The following GALC variants were observed in gnomAD, a reference collection of about 807,000 sequenced individuals.
GALC encodes galactosylceramidase.
A neutral mutation model predicts 91.8 loss-of-function variants in GALC; 77 were observed. The observed-to-expected ratio is 0.84, with a 90% CI of 0.70 to 1.01. The LOEUF (loss-of-function observed/expected upper bound fraction) is 1.01. Among genes scored for constraint, GALC ranks in the 50% least tolerant of loss-of-function variants. The pLI is 0.00. For synonymous variants in GALC, 357 were observed against 306.7 expected (o/e 1.16, Z -1.71); for missense variants, 882 against 855.9 (o/e 1.03, Z -0.38).
intron 1 of GALC, 36 bp downstream of exon 1, chr14:87,992,934 G>A (rs1307307302): frequency 6.7e-7 from 1 of 1,495,960 alleles, no homozygotes; most frequent in African/African-American, 1.5e-5. Context: ...GCGGGCTCTT[G>A]CCGCCCCCCG....
intron 10 of GALC, among the ~76,000 whole-genome samples, chr14:87,956,046 C>A (rs544149796): frequency 6.6e-6 from 1 of 151,942 alleles, no homozygotes; most frequent in Non-Finnish European, 1.5e-5. Flanking sequence ...CAAACCACCC[C>A]TGAAAATGAG....
intron 13 of GALC, among the ~76,000 whole-genome samples, chr14:87,947,375 G>A (rs1184960831): frequency 6.6e-6 from 1 of 151,988 alleles, no homozygotes; most frequent in African/African-American, 2.4e-5. Context: ...CAGAAAGACA[G>A]ATATGAATGT....
At chr14:87,992,606 C>G in intron 1 of GALC, 1 of 1,450,168 alleles carries the variant, frequency 6.9e-7, no homozygotes, top group Non-Finnish European at 9.0e-7. Flanking sequence ...TCTGGAGCGA[C>G]GCTCCCCGAC....
chr14:87,951,967 T>C (rs1440628298), intron 10 of GALC, among the ~76,000 whole-genome samples: 2 of 151,804 alleles, frequency 1.3e-5, no homozygotes, highest in Admixed American at 6.6e-5. Context: ...GTTCAATGTA[T>C]ACTGCTCGGG....
chr14:87,973,762 G>A (rs980275089), intron 7 of GALC, among the ~76,000 whole-genome samples: 1 of 152,092 alleles, frequency 6.6e-6, no homozygotes, highest in Non-Finnish European at 1.5e-5. Flanking sequence ...TTTTGTTATG[G>A]GAAAACTATC....
chr14:87,938,287 T>G (rs2139934072), intron 16 of GALC, among the ~76,000 whole-genome samples: 1 of 151,996 alleles, frequency 6.6e-6, no homozygotes, highest in East Asian at 1.9e-4. Context: ...GATGTCAGCT[T>G]GGGATAAAAC....
chr14:87,969,377 A>G (rs915040488), intron 7 of GALC, among the ~76,000 whole-genome samples: 4 of 152,214 alleles, frequency 2.6e-5, no homozygotes, highest in Admixed American at 6.5e-5. Flanking sequence ...CCTTCACTCT[A>G]TCATTCGATG....
chr14:87,934,515 G>C lies in GALC; in HGVS notation c.*217C>G. The C allele has an allele frequency of 7.0e-7, 1 of 1,428,978 alleles. No individual in the cohort carries two copies. The highest frequency in any genetic ancestry group is 9.1e-7 in the Non-Finnish European group (1 of 1,096,538). The allele number at this position is 1,428,978 out of a possible 1,614,324, so 88.5% of individuals were successfully genotyped here. ...AGTTTGAATGTTAGGGAACACACCAGGTAATGTTAAAGATTCACCAGTTTT... is the reference window on the plus strand; with the variant it reads ...AGTTTGAATGTTAGGGAACACACCACGTAATGTTAAAGATTCACCAGTTTT... On this transcript the variant is annotated 3_prime_UTR_variant, in exon 17 of 17. Coordinates refer to ENST00000261304, the MANE Select transcript of GALC (RefSeq NM_000153.4).
At position 87,965,553 on chromosome 14, in the gene GALC, C is replaced by T. The variant is rs1886001737; in HGVS notation, c.985G>A (p.Glu329Lys). ...ACCACGTAGTGCCCACTCCATGGCT[C>T]CTGGGCCGTCATCAACCCGCATCTC... ...YGRCGLMTAQ[E>K]PWSGHYVVES... The change falls in exon 9 of 17, where the codon GAG becomes AAG. Residue 329 changes from glutamate (E) to lysine (K), a missense_variant. Transcript: ENST00000261304. 1 of 1,613,446 alleles carries T rather than the reference C, an allele frequency of 6.2e-7. No homozygotes were observed. Among genetic ancestry groups the T allele is most frequent in the Non-Finnish European group, 8.5e-7 (1 of 1,179,566 alleles).
chr14:87,993,439 T>C (rs1887330940), upstream of GALC: 1 of 1,535,742 alleles, frequency 6.5e-7, no homozygotes, highest in Non-Finnish European at 8.7e-7. Flanking sequence ...GGAAGGTGGA[T>C]TCCAAGGTCC....
chr14:87,961,661 A>C (rs1885811079), intron 10 of GALC, among the ~76,000 whole-genome samples: 1 of 152,086 alleles, frequency 6.6e-6, no homozygotes, highest in South Asian at 2.1e-4. Flanking sequence ...AGGTCATAAG[A>C]CCCTCACTCA....
intron 3 of GALC, among the ~76,000 whole-genome samples, chr14:87,987,438 TTTG>T (rs1487839677): frequency 6.6e-6 from 1 of 152,248 alleles, no homozygotes. Flanking sequence ...GGGGGTTTCT[TTTG>T]TTTTTGCTTT....
chr14:87,954,003 T>C, intron 10 of GALC: 1 of 1,609,564 alleles, frequency 6.2e-7, no homozygotes, highest in Non-Finnish European at 8.5e-7. Context: ...AGATATAATT[T>C]TACTCGCAGA....
chr14:87,975,566 A>G (rs1411912264), intron 7 of GALC, among the ~76,000 whole-genome samples: 2 of 152,164 alleles, frequency 1.3e-5, no homozygotes, highest in Non-Finnish European at 2.9e-5. Context: ...GAAGAGGAGT[A>G]GATAGACGCA....
rs1885365259 is a variant in GALC, at chr14:87,952,776, G to A, written c.1162-2028C>T. The A allele has an allele frequency of 7.2e-6, 11 of 1,527,150 alleles. No homozygotes were observed. The East Asian group carries it at 2.5e-4, about 35-fold the overall frequency. 94.6% of individuals were successfully genotyped at this position (1,527,150 alleles called of 1,614,324 possible). A position where few individuals can be genotyped will look rare whatever the true frequency, so the allele number is the denominator to read the frequency against. On this transcript the variant is annotated intron_variant, in intron 10 of 16. Transcript: ENST00000261304. ...TGTGAAAGATTACTTTGTACATTCTGTTTCTGAAACACAGAATATAGAATC... is the reference window on the plus strand; with the variant it reads ...TGTGAAAGATTACTTTGTACATTCTATTTCTGAAACACAGAATATAGAATC...
intron 10 of GALC, chr14:87,954,708 C>T (rs1885449405): frequency 1.3e-6 from 2 of 1,550,552 alleles, no homozygotes; most frequent in South Asian, 1.1e-5. Flanking sequence ...CCTATTACGG[C>T]AGCTCAGAAG....
At chr14:87,986,365 C>T in intron 4 of GALC, 124 bp downstream of exon 4, 1 of 711,910 alleles carries the variant, frequency 1.4e-6, no homozygotes, top group African/African-American at 1.7e-5. Context: ...CTGCTGGTAG[C>T]ATACTGGTAG....
At chr14:87,975,889 A>T (rs895102485) in intron 7 of GALC, among the ~76,000 whole-genome samples, 2 of 152,204 alleles carry the variant, frequency 1.3e-5, no homozygotes, top group African/African-American at 4.8e-5. Context: ...GAGTGCTAAA[A>T]GGCAGAAATG....
chr14:87,987,063 A>G (rs1397440400), intron 3 of GALC: 3 of 454,854 alleles, frequency 6.6e-6, no homozygotes, highest in Non-Finnish European at 1.3e-5. Context: ...ATGTCTTGAT[A>G]TAGGAAGAGT....
Sources: gnomAD v4.1 joint callset for allele counts (sites outside exome capture counted in the v4.1 genomes callset) on GRCh38, gnomAD v4.1.1 for gene constraint, MANE v1.5 for transcripts, NCBI Gene and HGNC (gene_info 2026-07-23, HGNC 2026-07-21) for gene names.